AGO2: variants seen among roughly 807,000 people sequenced by gnomAD.
AGO2 encodes the protein protein argonaute-2.
In AGO2, 5 loss-of-function variants were observed where a neutral mutation model predicts 102.3. The ratio of observed to expected loss-of-function variants is 0.05; its 90% CI spans 0.03 to 0.10. AGO2 has a LOEUF of 0.10. AGO2 is among the 10% of genes least tolerant of loss of function. The pLI is 1.00. For missense variants in AGO2, 541 were observed against 1,183.7 expected, an observed-to-expected ratio of 0.46 and a Z score of 7.97; for synonymous variants, 449 against 473.1, an observed-to-expected ratio of 0.95 and a Z score of 0.66.
chr8:140,583,220 G>A (rs2073584925), intron 2 of AGO2, among the ~76,000 whole-genome samples: 1 of 152,216 alleles, frequency 6.6e-6, no homozygotes, highest in Admixed American at 6.5e-5. Context: ...CCAGGTCTTT[G>A]GCTTCCCTGA....
intron 8 of AGO2, 103 bp from the exon 9 acceptor site, chr8:140,556,389 T>C (rs981439025): frequency 1.4e-6 from 2 of 1,433,264 alleles, no homozygotes; most frequent in Admixed American, 3.8e-5. Flanking sequence ...CTTGGGACCG[T>C]CTCTGCCTCA....
intron 10 of AGO2, chr8:140,555,663 A>G (rs768109021): frequency 3.9e-5 from 22 of 566,808 alleles, no homozygotes; most frequent in Non-Finnish European, 6.1e-5. Flanking sequence ...TTCATGGGAT[A>G]ATAAAAATTA....
In AGO2 at chr8:140,567,804, T is replaced by C. The variant is rs1175347141; in HGVS notation, c.336+5008A>G. ...TTCCTCTTTGGGGTCGTCACACAAC[T>C]CAGCAACAAAGGGAAAACAGCACTC... is the stretch of plus-strand genomic sequence containing the variant. On this transcript the variant is annotated intron_variant, in intron 3 of 18. Transcript: ENST00000220592. The surrounding 1 kb of genome is among the most constrained non-coding windows in gnomAD (Gnocchi z 5.0). Among the ~76,000 whole-genome samples the C allele has an allele frequency of 6.6e-6, 1 of 151,894 alleles. No individual in the cohort carries two copies. Among genetic ancestry groups the C allele is most frequent in the Non-Finnish European group, 1.5e-5 (1 of 67,984 alleles).
chr8:140,605,051 C>T (rs908629596), intron 1 of AGO2, among the ~76,000 whole-genome samples: 14 of 152,036 alleles, frequency 9.2e-5, no homozygotes, highest in Admixed American at 7.9e-4. Context: ...ATGGCGGATA[C>T]GTTAGACTTT....
Position 140,598,940 on chromosome 8 carries a change from A to T in AGO2, c.23-13629T>A, listed in dbSNP as rs79428483. Among the ~76,000 whole-genome samples the T allele has an allele frequency of 3.9e-3, 588 of 152,230 alleles. 2 individuals are homozygous for T. Among genetic ancestry groups the T allele is most frequent in the African/African-American group, 0.014 (563 of 41,528 alleles). On this transcript the variant is annotated intron_variant, in intron 1 of 18. Coordinates refer to ENST00000220592, the MANE Select transcript of AGO2 (RefSeq NM_012154.5). The stretch of plus-strand genomic sequence containing the variant: ...CTGCTTTTGCTCAATCTGCTCAATG[A>T]CAGAAACGCGACAACAGAGGCCACT...
chr8:140,627,210 C>T (rs1031792618), intron 1 of AGO2, among the ~76,000 whole-genome samples: 6 of 152,202 alleles, frequency 3.9e-5, no homozygotes, highest in African/African-American at 1.2e-4. Flanking sequence ...ACTATCAAAG[C>T]CAAAAAGAAA....
At chr8:140,623,704 T>C (rs1588514802) in intron 1 of AGO2, among the ~76,000 whole-genome samples, 1 of 151,918 alleles carries the variant, frequency 6.6e-6, no homozygotes, top group Admixed American at 6.6e-5. Flanking sequence ...CCTCCCTCCA[T>C]AATGGCCACC....
At chr8:140,612,220 C>CAAAAAAAAAAAAAAAAAAAAA (rs542472147) in intron 1 of AGO2, among the ~76,000 whole-genome samples, 1 of 95,978 alleles carries the variant, frequency 1.0e-5, no homozygotes, top group Non-Finnish European at 2.0e-5. Flanking sequence ...GACTCTGTCT[C>CAAAAAAAAAAAAAAAAAAAAA]AAAAAAAAAA....
chr8:140,639,283 C>T (rs1389349707), upstream of AGO2, among the ~76,000 whole-genome samples: 1 of 152,114 alleles, frequency 6.6e-6, no homozygotes, highest in Non-Finnish European at 1.5e-5. Context: ...AGATAGAGAC[C>T]ATCCTGGCTA....
chr8:140,608,691 A>G (rs1372976445), intron 1 of AGO2, among the ~76,000 whole-genome samples: 4 of 152,224 alleles, frequency 2.6e-5, no homozygotes, highest in Non-Finnish European at 4.4e-5. Flanking sequence ...TCCACTGCGC[A>G]GGCCAAGCAC....
chr8:140,579,626 C>A (rs1044597200), intron 2 of AGO2, among the ~76,000 whole-genome samples: 1 of 152,040 alleles, frequency 6.6e-6, no homozygotes, highest in Non-Finnish European at 1.5e-5. Context: ...TCCTCTAACC[C>A]ACCACTTCCT....
rs972641465 is a variant in AGO2 at position 140,521,553 on chromosome 8, A to G, written c.*10491T>C. On this transcript the variant is annotated 3_prime_UTR_variant, in exon 19 of 19. Transcript: ENST00000220592. ...GTTACCTCCAAAGAATTAAGTAAAAAAAGATCGCCATAGTAGGAAAAGTCT... is the reference window on the plus strand; with the variant it reads ...GTTACCTCCAAAGAATTAAGTAAAAGAAGATCGCCATAGTAGGAAAAGTCT... 1.3e-5 allele frequency: 2 copies of G among 152,262 alleles called. No homozygotes were observed. The highest frequency in any genetic ancestry group is 2.9e-5 in the Non-Finnish European group (2 of 68,042). The allele number at this position is 152,262 out of a possible 1,614,324, so 9.4% of individuals were successfully genotyped here. A position where few individuals can be genotyped will look rare whatever the true frequency, so the allele number is the denominator to read the frequency against.
chr8:140,562,444 C>T lies in AGO2; in HGVS notation c.518+9G>A, dbSNP rs559375934. 1.7e-5 allele frequency: 28 copies of T among 1,604,858 alleles called. No individual in the cohort carries two copies. Among genetic ancestry groups the T allele is most frequent in the Middle Eastern group, 2.1e-4 (1 of 4,834 alleles). On this transcript the variant is annotated intron_variant, in intron 4 of 18. Transcript: ENST00000220592. ...GTCCCCCGCCCTTGGTCCCGTGTGG[C>T]GCCCTCACCTCATGGATGGCAAGTG...
chr8:140,572,081 T>A (rs1165939301), intron 3 of AGO2: 1 of 152,206 alleles, frequency 6.6e-6, no homozygotes, highest in East Asian at 1.9e-4. Context: ...TACTTACGAA[T>A]AACACCCGTA....
chr8:140,572,618 C>G, intron 3 of AGO2, 194 bp downstream of exon 3: 1 of 702,890 alleles, frequency 1.4e-6, no homozygotes, highest in Non-Finnish European at 2.1e-6. Flanking sequence ...ACAAGTTAAA[C>G]CCCCATCACT....
chr8:140,627,896 C>T (rs1191557285), intron 1 of AGO2, among the ~76,000 whole-genome samples: 1 of 152,156 alleles, frequency 6.6e-6, no homozygotes, highest in African/African-American at 2.4e-5. Flanking sequence ...CCCACAGATG[C>T]ACCCCCCAGG....
Position 140,547,599 on chromosome 8 carries a change from C to T in AGO2, c.1617G>A (p.Val539=). The part of the protein sequence containing the change: ...YAEVKRVGDT[V]LGMATQCVQM... ...GCACGCACTGCGTGGCCATCCCCAG[C>T]ACCGTGTCTCCCACGCGCTTGACCT... Residue 539 remains valine (V), a synonymous_variant, in exon 13 of 19, where the codon GTG becomes GTA. Transcript: ENST00000220592. 1 of 1,613,924 alleles carries T rather than the reference C, an allele frequency of 6.2e-7. No homozygotes were observed. The highest frequency in any genetic ancestry group is 8.5e-7 in the Non-Finnish European group (1 of 1,179,900).
chr8:140,594,192 C>T (rs760551846), intron 1 of AGO2, among the ~76,000 whole-genome samples: 21 of 152,228 alleles, frequency 1.4e-4, no homozygotes, highest in Non-Finnish European at 2.4e-4. Flanking sequence ...TGGCAGCACT[C>T]GGGTTGGCTG....
At chr8:140,543,034 G>A (rs2072829087) in intron 14 of AGO2, among the ~76,000 whole-genome samples, 1 of 152,218 alleles carries the variant, frequency 6.6e-6, no homozygotes. Flanking sequence ...CTACTCGGGA[G>A]GCTGAGGTGG....
Sources: gnomAD v4.1 joint callset for allele counts (sites outside exome capture counted in the v4.1 genomes callset) on GRCh38, gnomAD v4.1.1 for gene constraint, Gnocchi (gnomAD v3.1) non-coding constraint, MANE v1.5 for transcripts, NCBI Gene and HGNC (gene_info 2026-07-23, HGNC 2026-07-21) for gene names.